Variants in RABGAP1L observed in about 807,000 individuals in gnomAD.
The protein encoded by RABGAP1L is RAB GTPase activating protein 1 like.
A neutral mutation model predicts 137.7 loss-of-function variants in RABGAP1L; 63 were observed. The observed-to-expected ratio is 0.46, with a 90% CI of 0.37 to 0.56. The LOEUF is 0.56. Among genes scored for constraint, RABGAP1L ranks in the 20% least tolerant of loss-of-function variants. The probability of loss-of-function intolerance (pLI) is 0.00; values close to 1 mark genes in which losing one functional copy is unlikely to be tolerated. For synonymous variants in RABGAP1L, 431 were observed against 433.7 expected, an observed-to-expected ratio of 0.99 and a Z score of 0.08; for missense variants, 1,095 against 1,244.0, an observed-to-expected ratio of 0.88 and a Z score of 1.80.
chr1:174,974,526 G>A (rs1670477790), intron 21 of RABGAP1L, among the ~76,000 whole-genome samples: 2 of 152,136 alleles, frequency 1.3e-5, no homozygotes, highest in Non-Finnish European at 2.9e-5. Context: ...AACTTGACTT[G>A]CAGTGTTCAT....
chr1:174,184,218 G>A lies in RABGAP1L; in HGVS notation c.-34+24561G>A, dbSNP rs545003420. On this transcript the variant is annotated intron_variant, in intron 1 of 25. Transcript: ENST00000681986. ...GCATTTACTGTTCCTTTGTGTTTTC[G>A]TGGCTTTGTCACTCATTTCTTAGCA... Among the ~76,000 whole-genome samples the A allele has an allele frequency of 8.5e-5, 13 of 152,148 alleles. No individual in the cohort carries two copies. In the East Asian group the frequency reaches 1.5e-3, roughly 18 times the overall value.
chr1:174,264,467 A>C (rs867066224), intron 7 of RABGAP1L, among the ~76,000 whole-genome samples: 5 of 152,082 alleles, frequency 3.3e-5, no homozygotes, highest in South Asian at 4.1e-4. Flanking sequence ...GATGATTCCA[A>C]ATGTTTTTCT....
In RABGAP1L at chr1:174,270,310, A is replaced by G. The variant is rs186575871; in HGVS notation, c.987-2104A>G. ...ACCTCTAAGGCTCCTTTTGCAGTAC[A>G]ATGTAATATAGAAATATTATGCTGA... is the stretch of plus-strand genomic sequence containing the variant. On this transcript the variant is annotated intron_variant, in intron 7 of 25. Transcript: ENST00000681986. Among the ~76,000 whole-genome samples, 16 of 152,216 alleles carry G rather than the reference A, an allele frequency of 1.1e-4. No individual in the cohort carries two copies. In the East Asian group the frequency reaches 2.9e-3, roughly 28 times the overall value.
At chr1:174,977,762 G>A (rs920313847) in intron 22 of RABGAP1L, among the ~76,000 whole-genome samples, 13 of 152,194 alleles carry the variant, frequency 8.5e-5, no homozygotes, top group Admixed American at 5.2e-4. Flanking sequence ...CGTGGAAGGC[G>A]AGAAGGTTAT....
intron 18 of RABGAP1L, among the ~76,000 whole-genome samples, chr1:174,755,180 A>G (rs1292482769): frequency 6.6e-6 from 1 of 152,196 alleles, no homozygotes; most frequent in African/African-American, 2.4e-5. Flanking sequence ...TTTTAAAGAC[A>G]CCTACTTTCT....
chr1:174,892,896 ATT>A (rs748971722), intron 19 of RABGAP1L, among the ~76,000 whole-genome samples: 11,924 of 91,554 alleles, frequency 0.13, 266 homozygotes, highest in South Asian at 0.15. Flanking sequence ...CACCCAGCTA[ATT>A]TTTTTTTTTT....
intron 19 of RABGAP1L, among the ~76,000 whole-genome samples, chr1:174,818,938 G>T (rs1690717144): frequency 6.6e-6 from 1 of 151,958 alleles, no homozygotes; most frequent in African/African-American, 2.4e-5. Flanking sequence ...GATTTTTTGA[G>T]CTTGGGAGGC....
intron 11 of RABGAP1L, among the ~76,000 whole-genome samples, chr1:174,308,642 C>T (rs1678529740): frequency 6.6e-6 from 1 of 152,066 alleles, no homozygotes; most frequent in Non-Finnish European, 1.5e-5. Context: ...ACTGTTCTTT[C>T]CCCATTGTAT....
In RABGAP1L at chr1:174,513,640, C is replaced by T. The variant is rs547156419; in HGVS notation, c.1710+119495C>T. ...CAAAAATAAATAAATAAAATTTGAG[C>T]CTAGTAGTTGTTGTCATTTGCCACT... On this transcript the variant is annotated intron_variant, in intron 13 of 25. Transcript: ENST00000681986. Among the ~76,000 whole-genome samples the T allele has an allele frequency of 3.1e-4, 47 of 151,906 alleles. 2 individuals are homozygous for T. In the South Asian group the frequency reaches 4.8e-3, roughly 15 times the overall value.
At chr1:174,890,327 C>T (rs1429170026) in intron 19 of RABGAP1L, among the ~76,000 whole-genome samples, 1 of 152,160 alleles carries the variant, frequency 6.6e-6, no homozygotes, top group African/African-American at 2.4e-5. Flanking sequence ...ATGGGATATT[C>T]TATCTGCTTT....
intron 13 of RABGAP1L, among the ~76,000 whole-genome samples, chr1:174,574,449 G>A (rs1668214334): frequency 1.3e-5 from 2 of 151,908 alleles, no homozygotes. Context: ...AGTATTCTTA[G>A]GTCTTAGGTC....
chr1:174,677,149 C>G (rs1677694089), intron 14 of RABGAP1L, among the ~76,000 whole-genome samples: 1 of 74,882 alleles, frequency 1.3e-5, no homozygotes, highest in South Asian at 3.3e-4. Flanking sequence ...TAGTGAGACC[C>G]CATCTCTACC....
At chr1:174,780,187 T>C (rs1459170631) in intron 18 of RABGAP1L, among the ~76,000 whole-genome samples, 1 of 152,200 alleles carries the variant, frequency 6.6e-6, no homozygotes, top group Non-Finnish European at 1.5e-5. Context: ...ATTGTTTCCA[T>C]CCTGCTTTTC....
intron 11 of RABGAP1L, among the ~76,000 whole-genome samples, chr1:174,361,397 A>T (rs993702128): frequency 6.6e-6 from 1 of 152,030 alleles, no homozygotes; most frequent in South Asian, 2.1e-4. Flanking sequence ...AATGATATTG[A>T]TTCTTCCAAT....
intron 13 of RABGAP1L, among the ~76,000 whole-genome samples, chr1:174,559,576 A>G (rs1667080907): frequency 6.6e-6 from 1 of 152,190 alleles, no homozygotes; most frequent in South Asian, 2.1e-4. Flanking sequence ...GTAGAAGTCC[A>G]TTTTCTTGTA....
chr1:174,289,082 GC>G (rs1676341041), intron 10 of RABGAP1L, among the ~76,000 whole-genome samples: 1 of 152,160 alleles, frequency 6.6e-6, no homozygotes, highest in Non-Finnish European at 1.5e-5. Flanking sequence ...GTGTCACCCA[GC>G]CTGGAATGCA....
chr1:174,714,299 TTC>T (rs961417664), intron 17 of RABGAP1L, among the ~76,000 whole-genome samples: 1 of 152,236 alleles, frequency 6.6e-6, no homozygotes. Flanking sequence ...TCCTTTTCCT[TTC>T]TCTCTTAGCA....
chr1:174,787,088 G>A (rs576127042), intron 18 of RABGAP1L, among the ~76,000 whole-genome samples: 5 of 152,274 alleles, frequency 3.3e-5, no homozygotes, highest in African/African-American at 1.2e-4. Flanking sequence ...GAGGAGGGAA[G>A]TAATGACAGG....
At chr1:174,711,767 G>GC (rs1680542854) in intron 17 of RABGAP1L, among the ~76,000 whole-genome samples, 1 of 152,216 alleles carries the variant, frequency 6.6e-6, no homozygotes, top group African/African-American at 2.4e-5. Flanking sequence ...CACACCAACC[G>GC]CCCAAGGGCT....
Sources: gnomAD v4.1 joint callset for allele counts (sites outside exome capture counted in the v4.1 genomes callset) on GRCh38, gnomAD v4.1.1 for gene constraint, MANE v1.5 for transcripts, NCBI Gene and HGNC (gene_info 2026-07-23, HGNC 2026-07-21) for gene names.